The following UBAP1 variants were observed in gnomAD, a reference collection of about 807,000 sequenced individuals.
UBAP1 encodes the protein ubiquitin associated protein 1.
A neutral mutation model predicts 39.0 loss-of-function variants in UBAP1; 5 were observed. The observed-to-expected ratio is 0.13, with a 90% CI of 0.07 to 0.27. The LOEUF (loss-of-function observed/expected upper bound fraction) is 0.27. UBAP1 is among the 10% of genes least tolerant of loss of function. The pLI, the probability that UBAP1 is intolerant of heterozygous loss-of-function variation, is 1.00. For missense variants in UBAP1, 490 were observed against 608.1 expected, an observed-to-expected ratio of 0.81 and a Z score of 2.04; for synonymous variants, 211 against 225.1, an observed-to-expected ratio of 0.94 and a Z score of 0.56.
chr9:34,209,702 A>T (rs1444545162), intron 1 of UBAP1, among the ~76,000 whole-genome samples: 2 of 150,594 alleles, frequency 1.3e-5, no homozygotes. Flanking sequence ...TTAGTTACCT[A>T]TTTTTTTTTT....
chr9:34,226,075 C>A (rs1443247139), intron 2 of UBAP1, among the ~76,000 whole-genome samples: 1 of 133,708 alleles, frequency 7.5e-6, no homozygotes, highest in Non-Finnish European at 1.6e-5. Flanking sequence ...CATAAACATT[C>A]ATTACCTTCT....
chr9:34,225,790 A>G (rs1490880566), intron 2 of UBAP1, among the ~76,000 whole-genome samples: 3 of 151,540 alleles, frequency 2.0e-5, no homozygotes, highest in Non-Finnish European at 4.4e-5. Context: ...AAAAAAAAAA[A>G]AAAAAGAAAA....
At chr9:34,184,278 A>T (rs892103246) in intron 1 of UBAP1, among the ~76,000 whole-genome samples, 1 of 151,990 alleles carries the variant, frequency 6.6e-6, no homozygotes, top group African/African-American at 2.4e-5. Flanking sequence ...GGGTGCTGAC[A>T]CTGGGTATGT....
chr9:34,195,359 A>G (rs571329009), intron 1 of UBAP1, among the ~76,000 whole-genome samples: 29 of 151,976 alleles, frequency 1.9e-4, no homozygotes, highest in African/African-American at 7.0e-4. Context: ...CGTCATATGG[A>G]TGGAAGATTT....
At position 34,241,843 on chromosome 9, in the gene UBAP1, C is replaced by T. The variant is rs147238897; in HGVS notation, c.818C>T (p.Ser273Phe). The change falls in exon 4 of 7, where the codon TCT becomes TTT. Residue 273 changes from serine (S) to phenylalanine (F), a missense_variant. Ser to Phe is a radical substitution (Grantham distance 155, BLOSUM62 -2). This residue lies in a region of UBAP1 where 339 missense variants were observed against 390.0 expected (regional missense o/e 0.87). Coordinates refer to ENST00000297661, the MANE Select transcript of UBAP1 (RefSeq NM_016525.5). Reference sequence around the variant, plus strand: ...TCCCTGTCTTTCCCCAAACTTGACTCTGATGACAGCAATCAGAAGACAGCC... The same window carrying T: ...TCCCTGTCTTTCCCCAAACTTGACTTTGATGACAGCAATCAGAAGACAGCC... ...IKSLSFPKLD[S>F]DDSNQKTAKL... The T allele has an allele frequency of 6.2e-7, 1 of 1,614,162 alleles. No individual in the cohort carries two copies. The highest frequency in any genetic ancestry group is 8.5e-7 in the Non-Finnish European group (1 of 1,180,034).
At chr9:34,247,681 C>G (rs530919576) in intron 4 of UBAP1, among the ~76,000 whole-genome samples, 27 of 152,234 alleles carry the variant, frequency 1.8e-4, no homozygotes, top group African/African-American at 6.0e-4. Context: ...GCCTTGCCCC[C>G]CAAAGTGCTG....
At chr9:34,203,437 C>T (rs1463702877) in intron 1 of UBAP1, among the ~76,000 whole-genome samples, 2 of 152,220 alleles carry the variant, frequency 1.3e-5, no homozygotes, top group Admixed American at 6.5e-5. Context: ...CAGCAACATT[C>T]ATTCAGCAGG....
chr9:34,243,086 G>C (rs1005228899), intron 4 of UBAP1, among the ~76,000 whole-genome samples: 14 of 152,192 alleles, frequency 9.2e-5, no homozygotes, highest in African/African-American at 3.4e-4. Flanking sequence ...AAACTTGATA[G>C]AGTGCCGAAC....
chr9:34,226,021 TTGAGGA>T (rs1012788663), intron 2 of UBAP1, among the ~76,000 whole-genome samples: 6 of 151,848 alleles, frequency 4.0e-5, no homozygotes, highest in African/African-American at 1.5e-4. Context: ...CTTGATGAGT[TTGAGGA>T]TAAGTATACA....
intron 2 of UBAP1, among the ~76,000 whole-genome samples, chr9:34,226,463 T>C (rs760947265): frequency 1.1e-4 from 17 of 152,078 alleles, no homozygotes; most frequent in Non-Finnish European, 1.9e-4. Context: ...TTTTGAACTC[T>C]TGACCTCAGG....
At chr9:34,213,119 A>T (rs1297769498) in intron 1 of UBAP1, among the ~76,000 whole-genome samples, 1 of 152,220 alleles carries the variant, frequency 6.6e-6, no homozygotes, top group Non-Finnish European at 1.5e-5. Context: ...ATCTCAATAG[A>T]TGCAGAAAAA....
chr9:34,226,527 G>A (rs1286660212), intron 2 of UBAP1, among the ~76,000 whole-genome samples: 1 of 152,100 alleles, frequency 6.6e-6, no homozygotes, highest in Non-Finnish European at 1.5e-5. Context: ...ATGAGCCACC[G>A]CGCCTGGCCT....
chr9:34,243,584 C>T (rs1031100252), intron 4 of UBAP1, among the ~76,000 whole-genome samples: 5 of 151,732 alleles, frequency 3.3e-5, no homozygotes, highest in South Asian at 2.1e-4. Context: ...CTCCCAGGGT[C>T]GGGCGATTGT....
At chr9:34,182,664 T>TTTCTTTCTTTCTTTC (rs1830134123) in intron 1 of UBAP1, among the ~76,000 whole-genome samples, 1 of 62,430 alleles carries the variant, frequency 1.6e-5, no homozygotes, top group African/African-American at 3.9e-5. Context: ...TCTTTCTTTC[T>TTTCTTTCTTTCTTTC]TTCTTTCTTT....
chr9:34,250,931 G>A (rs1563926012), intron 6 of UBAP1, 172 bp downstream of exon 6: 1 of 642,850 alleles, frequency 1.6e-6, no homozygotes, highest in Non-Finnish European at 2.8e-6. Flanking sequence ...GCCTGCGTTT[G>A]GCTTGGTGGT....
chr9:34,214,958 T>TA (rs1563902420), intron 1 of UBAP1, among the ~76,000 whole-genome samples: 2 of 151,886 alleles, frequency 1.3e-5, no homozygotes, highest in South Asian at 4.1e-4. Flanking sequence ...ATGGCCATAA[T>TA]AAAAAAATAA....
At chr9:34,241,068 A>G (rs771508544) in intron 3 of UBAP1, 117 bp from the exon 4 acceptor site, 25 of 700,212 alleles carry the variant, frequency 3.6e-5, no homozygotes, top group Non-Finnish European at 5.5e-5. Context: ...CACACGCCTT[A>G]AATGCTGCCT....
In UBAP1 at chr9:34,234,410, G is replaced by A. The variant is rs1833577245; in HGVS notation, c.159+70G>A. The A allele has an allele frequency of 3.3e-6, 5 of 1,501,598 alleles. No individual in the cohort carries two copies. The East Asian group carries it at 1.2e-4, about 35-fold the overall frequency. 93.0% of individuals were successfully genotyped at this position (1,501,598 alleles called of 1,614,324 possible). ...AAAGAGTAAGAATTTGATGTATAGT[G>A]AAATAGAAAAAATTACAGTTGTGAG... On this transcript the variant is annotated intron_variant, in intron 3 of 6. Coordinates refer to ENST00000297661, the MANE Select transcript of UBAP1 (RefSeq NM_016525.5).
rs531049478 is a variant in UBAP1 at position 34,225,637 on chromosome 9, G to A, written c.34+4689G>A. Among the ~76,000 whole-genome samples the A allele has an allele frequency of 3.0e-4, 46 of 151,818 alleles. 1 individual carries two copies. The East Asian group carries it at 8.5e-3, about 28-fold the overall frequency. ...CTAAAAATACAAAAAAAAATTAGCCGAGCATGGTGGCTGGTGCCTGTAGTC... is the reference window on the plus strand; with the variant it reads ...CTAAAAATACAAAAAAAAATTAGCCAAGCATGGTGGCTGGTGCCTGTAGTC... On this transcript the variant is annotated intron_variant, in intron 2 of 6. Coordinates refer to ENST00000297661, the MANE Select transcript of UBAP1 (RefSeq NM_016525.5).
Sources: gnomAD v4.1 joint callset for allele counts (sites outside exome capture counted in the v4.1 genomes callset) on GRCh38, gnomAD v4.1.1 for gene constraint, gnomAD v4.1.1 regional missense constraint, MANE v1.5 for transcripts, NCBI Gene and HGNC (gene_info 2026-07-23, HGNC 2026-07-21) for gene names.